Variants in RBFOX1 observed in about 807,000 individuals in gnomAD.
RBFOX1 encodes RNA binding fox-1 homolog 1.
In RBFOX1, 8 loss-of-function variants were observed where a neutral mutation model predicts 57.7. The observed-to-expected ratio is 0.14, with a 90% CI of 0.08 to 0.25. RBFOX1 has a LOEUF of 0.25. Ranked by LOEUF, RBFOX1 falls within the 10% of genes least tolerant of loss-of-function variation. The pLI is 1.00. For missense variants in RBFOX1, 611 were observed against 548.5 expected (o/e 1.11, Z -1.14); for synonymous variants, 326 against 222.4 (o/e 1.47, Z -4.15).
intron 1 of RBFOX1, among the ~76,000 whole-genome samples, chr16:5,321,051 C>G (rs1272102809): frequency 6.6e-6 from 1 of 152,110 alleles, no homozygotes; most frequent in Non-Finnish European, 1.5e-5. Context: ...GGACTTAGGT[C>G]TCAGGGAAAC....
chr16:7,460,596 A>C (rs2059406432), intron 4 of RBFOX1, among the ~76,000 whole-genome samples: 1 of 150,740 alleles, frequency 6.6e-6, no homozygotes, highest in South Asian at 2.1e-4. Flanking sequence ...GGAAAGGATC[A>C]AGAAAAAATA....
At chr16:6,478,427 ATATTTTTTTTTT>A (rs1388743382) in intron 2 of RBFOX1, among the ~76,000 whole-genome samples, 69 of 12,708 alleles carry the variant, frequency 5.4e-3, no homozygotes, top group African/African-American at 0.019. Flanking sequence ...ATATATATAT[ATATTTTTTTTTT>A]TTTTTTTTGT....
intron 10 of RBFOX1, among the ~76,000 whole-genome samples, chr16:7,626,425 G>C (rs993390846): frequency 6.6e-6 from 1 of 152,192 alleles, no homozygotes; most frequent in Admixed American, 6.5e-5. Context: ...GCTGGAGAGT[G>C]GCTGTGGGAC....
chr16:6,368,937 G>A (rs750480419), intron 2 of RBFOX1, among the ~76,000 whole-genome samples: 8 of 152,124 alleles, frequency 5.3e-5, no homozygotes, highest in East Asian at 1.9e-4. Context: ...AAACCAGGAC[G>A]AATCTCACAA....
rs531325080 is a variant in RBFOX1, at chr16:7,213,327, C to T, written c.27+161229C>T. Among the ~76,000 whole-genome samples the T allele has an allele frequency of 2.8e-3, 432 of 152,174 alleles. 1 individual carries two copies. The highest frequency in any genetic ancestry group is 9.7e-3 in the African/African-American group (404 of 41,518). On this transcript the variant is annotated intron_variant, in intron 4 of 15. Coordinates refer to ENST00000550418, the MANE Select transcript of RBFOX1 (RefSeq NM_018723.4). Reference sequence around the variant, plus strand: ...AAATCACGTTGCATGGATCCAAGCCCAAACCAATTAAAGATAATTTTAGGA... The same window carrying T: ...AAATCACGTTGCATGGATCCAAGCCTAAACCAATTAAAGATAATTTTAGGA...
intron 1 of RBFOX1, among the ~76,000 whole-genome samples, chr16:5,411,298 GC>G (rs1197572348): frequency 6.6e-6 from 1 of 152,222 alleles, no homozygotes; most frequent in African/African-American, 2.4e-5. Flanking sequence ...CTGGGTGAGT[GC>G]AGTGAAATCA....
chr16:6,046,145 G>T (rs1320207630), intron 1 of RBFOX1, among the ~76,000 whole-genome samples: 4 of 152,210 alleles, frequency 2.6e-5, no homozygotes, highest in African/African-American at 7.2e-5. Context: ...CTATGTGGCA[G>T]ATATATTAGA....
intron 3 of RBFOX1, among the ~76,000 whole-genome samples, chr16:7,016,775 TG>T (rs2093937296): frequency 6.6e-6 from 1 of 152,172 alleles, no homozygotes; most frequent in South Asian, 2.1e-4. Context: ...TAGGATGCTG[TG>T]AGCAGGGTAG....
chr16:6,059,515 A>G (rs2095657258), intron 1 of RBFOX1, among the ~76,000 whole-genome samples: 1 of 152,092 alleles, frequency 6.6e-6, no homozygotes, highest in Non-Finnish European at 1.5e-5. Flanking sequence ...TGTATATTTA[A>G]ATGTATTTTT....
chr16:6,241,123 A>G (rs141097039), intron 1 of RBFOX1, among the ~76,000 whole-genome samples: 183 of 152,354 alleles, frequency 1.2e-3, no homozygotes, highest in African/African-American at 4.2e-3. Flanking sequence ...GTCTTTGGAT[A>G]TCAATAATTA....
intron 3 of RBFOX1, among the ~76,000 whole-genome samples, chr16:6,743,748 C>A (rs932759511): frequency 6.6e-6 from 1 of 151,334 alleles, no homozygotes; most frequent in Non-Finnish European, 1.5e-5. Flanking sequence ...CAAAGCAACA[C>A]CCTGTCTCAA....
intron 4 of RBFOX1, among the ~76,000 whole-genome samples, chr16:5,905,048 C>G (rs58740358): frequency 0.25 from 31,911 of 125,560 alleles, 4,729 homozygotes; most frequent in South Asian, 0.41. Flanking sequence ...TCCCATATGA[C>G]TCCATATGAC....
At chr16:6,450,715 C>G (rs553920016) in intron 2 of RBFOX1, among the ~76,000 whole-genome samples, 1 of 129,172 alleles carries the variant, frequency 7.7e-6, no homozygotes, top group South Asian at 2.4e-4. Context: ...CTTTCTTGAC[C>G]TGTGGTGGTG....
At chr16:6,249,205 C>T (rs1312864326) in intron 1 of RBFOX1, among the ~76,000 whole-genome samples, 1 of 152,016 alleles carries the variant, frequency 6.6e-6, no homozygotes, top group Non-Finnish European at 1.5e-5. Context: ...GGGACCAACA[C>T]ACCAATGGAA....
intron 3 of RBFOX1, among the ~76,000 whole-genome samples, chr16:6,967,991 C>A (rs2084658687): frequency 6.6e-6 from 1 of 152,178 alleles, no homozygotes; most frequent in Non-Finnish European, 1.5e-5. Context: ...CTGCTGATGA[C>A]AGCGGGAAGG....
Position 6,515,159 on chromosome 16 carries a change from C to T in RBFOX1, c.-63-139444C>T, listed in dbSNP as rs147032629. ...GCTAAGTCCTGTGGTCAGACCTTGA[C>T]ATTTCATTTTCTCCTGTAATGTTCA... is the stretch of plus-strand genomic sequence containing the variant. On this transcript the variant is annotated intron_variant, in intron 2 of 15. Transcript: ENST00000550418. Among the ~76,000 whole-genome samples the T allele has an allele frequency of 4.3e-3, 649 of 152,282 alleles. 2 individuals are homozygous for T. The highest frequency in any genetic ancestry group is 7.1e-3 in the Non-Finnish European group (480 of 68,016).
At chr16:7,652,791 CAGG>C (rs1316900287) in intron 11 of RBFOX1, among the ~76,000 whole-genome samples, 1 of 152,178 alleles carries the variant, frequency 6.6e-6, no homozygotes, top group African/African-American at 2.4e-5. Context: ...AAATGCTGCA[CAGG>C]AGTTCAGCAG....
intron 2 of RBFOX1, among the ~76,000 whole-genome samples, chr16:6,339,715 G>C (rs923112238): frequency 6.6e-6 from 1 of 151,778 alleles, no homozygotes; most frequent in Non-Finnish European, 1.5e-5. Context: ...CTGTCACCCA[G>C]GCTGGAGTGC....
chr16:5,470,920 C>T (rs1242157688), intron 2 of RBFOX1, among the ~76,000 whole-genome samples: 2 of 152,128 alleles, frequency 1.3e-5, no homozygotes, highest in African/African-American at 4.8e-5. Flanking sequence ...GGTGCGATCT[C>T]AGCTCACTGC....
Sources: allele counts gnomAD v4.1 joint callset (sites outside exome capture counted in the v4.1 genomes callset), GRCh38; gene constraint gnomAD v4.1.1; transcripts MANE v1.5; gene names NCBI Gene and HGNC (gene_info 2026-07-23, HGNC 2026-07-21).